ZNF599: variants seen among roughly 807,000 people sequenced by gnomAD.
The protein encoded by ZNF599 is zinc finger protein 599.
A neutral mutation model predicts 11.7 loss-of-function variants in ZNF599; 10 were observed. That is an observed-to-expected ratio of 0.86 (90% CI 0.53 to 1.45). ZNF599 has a LOEUF of 1.45. Ranked by LOEUF, ZNF599 falls within the 40% of genes most tolerant of loss-of-function variation. The pLI, the probability that ZNF599 is intolerant of heterozygous loss-of-function variation, is 0.00. For synonymous variants in ZNF599, 232 were observed against 253.2 expected (o/e 0.92, Z 0.79); for missense variants, 688 against 713.6 (o/e 0.96, Z 0.41).
At chr19:34,778,814 A>G in the ZNF599 span, among the ~76,000 whole-genome samples, 7 of 152,312 alleles carry the variant, frequency 4.6e-5, no homozygotes, top group African/African-American at 1.4e-4. Flanking sequence ...GTTTCATTGT[A>G]CTCTTGTTAG....
At position 34,759,199 on chromosome 19, in the gene ZNF599, A is replaced by G; in HGVS notation, c.1602T>C (p.Pro534=). 1 of 1,613,986 alleles carries G rather than the reference A, an allele frequency of 6.2e-7. No homozygotes were observed. The highest frequency in any genetic ancestry group is 8.5e-7 in the Non-Finnish European group (1 of 1,179,992). ...RHNRIHTGEK[P]FECKECEKAF... ...CTTTCTCACATTCTTTGCATTCAAA[A>G]GGTTTTTCTCCAGTGTGGATCCTAT... The change falls in exon 4 of 4, where the codon CCT becomes CCC. Residue 534 remains proline, a synonymous_variant. Transcript: ENST00000329285.
At chr19:34,804,709 T>G in the ZNF599 span, among the ~76,000 whole-genome samples, 8 of 152,204 alleles carry the variant, frequency 5.3e-5, no homozygotes, top group African/African-American at 1.9e-4. Flanking sequence ...GAAAATTACT[T>G]TTACTACTAA....
intron 2 of ZNF599, 139 bp downstream of exon 2, chr19:34,769,290 A>C: frequency 9.5e-7 from 1 of 1,049,446 alleles, no homozygotes; most frequent in East Asian, 2.5e-5. Context: ...ACCCAGCAAG[A>C]GGAGGTCAGA....
chr19:34,791,140 A>G, the ZNF599 span, among the ~76,000 whole-genome samples: 46 of 152,222 alleles, frequency 3.0e-4, no homozygotes, highest in Non-Finnish European at 5.4e-4. Context: ...AGAATGAGAT[A>G]GATGTTGACC....
chr19:34,781,987 G>A, the ZNF599 span, among the ~76,000 whole-genome samples: 1 of 152,224 alleles, frequency 6.6e-6, no homozygotes, highest in Non-Finnish European at 1.5e-5. Context: ...TGGGGAAGGA[G>A]TGATATGGAT....
At chr19:34,801,405 A>C in the ZNF599 span, among the ~76,000 whole-genome samples, 2 of 152,224 alleles carry the variant, frequency 1.3e-5, no homozygotes, top group Non-Finnish European at 2.9e-5. Context: ...TCCCTGCACT[A>C]ATAAGGTCTT....
In ZNF599 at chr19:34,758,116, A is replaced by T. The variant is rs2069083005; in HGVS notation, c.*918T>A. The T allele has an allele frequency of 6.6e-6, 1 of 152,168 alleles. No individual in the cohort carries two copies. Among genetic ancestry groups the T allele is most frequent in the Admixed American group, 6.5e-5 (1 of 15,286 alleles). 9.4% of individuals were successfully genotyped at this position (152,168 alleles called of 1,614,324 possible). On this transcript the variant is annotated 3_prime_UTR_variant, in exon 4 of 4. Transcript: ENST00000329285. ...TTTATTATAAAGAATAATTATAATT[A>T]TTCAAGAAACACTGATAAAGTGTCT...
At chr19:34,765,371 G>T in intron 3 of ZNF599, 1 of 568,434 alleles carries the variant, frequency 1.8e-6, no homozygotes, top group Non-Finnish European at 3.1e-6. Flanking sequence ...ACAGTGGCTT[G>T]ATTTGAAGAA....
intron 3 of ZNF599, among the ~76,000 whole-genome samples, chr19:34,766,154 G>C (rs1446581953): frequency 6.6e-6 from 1 of 151,622 alleles, no homozygotes; most frequent in African/African-American, 2.4e-5. Context: ...ATAGGGGAGA[G>C]GGGTGAAGGC....
At position 34,772,953 on chromosome 19, in the gene ZNF599, C is replaced by A; in HGVS notation, c.-112G>T. The stretch of plus-strand genomic sequence containing the variant: ...TGCGAGGGACCTCAGTCCCCGCCGT[C>A]GTGTAAAATGCACACAAGGTTCGCG... On this transcript the variant is annotated 5_prime_UTR_variant, in exon 1 of 4. Transcript: ENST00000329285. 7.9e-7 allele frequency: 1 copy of A among 1,272,846 alleles called. No homozygotes were observed. The highest frequency in any genetic ancestry group is 1.7e-5 in the South Asian group (1 of 60,564). The allele number at this position is 1,272,846 out of a possible 1,614,324, so 78.8% of individuals were successfully genotyped here.
chr19:34,802,263 A>T, the ZNF599 span, among the ~76,000 whole-genome samples: 1 of 152,210 alleles, frequency 6.6e-6, no homozygotes, highest in Non-Finnish European at 1.5e-5. Context: ...TTGTGAACTC[A>T]TAGTTTTCAA....
At chr19:34,793,489 A>C in the ZNF599 span, among the ~76,000 whole-genome samples, 1 of 152,214 alleles carries the variant, frequency 6.6e-6, no homozygotes, top group African/African-American at 2.4e-5. Context: ...CATAAAGGGA[A>C]TCTTGTATTG....
the ZNF599 span, among the ~76,000 whole-genome samples, chr19:34,779,037 A>T: frequency 1.3e-5 from 2 of 152,180 alleles, no homozygotes; most frequent in Admixed American, 1.3e-4. Context: ...GTTGGTGAGG[A>T]TGTGGAGAAA....
chr19:34,785,609 A>G, the ZNF599 span, among the ~76,000 whole-genome samples: 4 of 152,164 alleles, frequency 2.6e-5, no homozygotes, highest in African/African-American at 9.7e-5. Context: ...CAGTGCCAAG[A>G]ACTTGAGAGT....
At chr19:34,773,977 T>C (rs373310032), upstream of ZNF599, among the ~76,000 whole-genome samples, 2 of 152,334 alleles carry the variant, frequency 1.3e-5, no homozygotes, top group African/African-American at 4.8e-5. Flanking sequence ...ACTCTGATAT[T>C]TGTCAAAACA....
At position 34,759,749 on chromosome 19, in the gene ZNF599, C is replaced by T. The variant is rs371296240; in HGVS notation, c.1052G>A (p.Arg351His). Residue 351 changes from arginine (R) to histidine (H), a missense_variant, in exon 4 of 4, where the codon CGC becomes CAC. By Grantham distance (29) the Arg-to-His change is conservative. Transcript: ENST00000329285. ...CGECGKAFTHRSTFIQHNVTH... is the reference protein window; with the variant it reads ...CGECGKAFTHHSTFIQHNVTH... ...CACATTGTGCTGGATAAATGTGGAG[C>T]GGTGCGTGAAGGCCTTTCCACATTC... 4.0e-5 allele frequency: 64 copies of T among 1,613,624 alleles called. No individual in the cohort carries two copies. The highest frequency in any genetic ancestry group is 2.0e-4 in the African/African-American group (15 of 74,760).
chr19:34,785,696 G>A, the ZNF599 span, among the ~76,000 whole-genome samples: 37 of 152,330 alleles, frequency 2.4e-4, no homozygotes, highest in African/African-American at 7.9e-4. Flanking sequence ...CATATCCAGT[G>A]AGCAACATGA....
At chr19:34,774,911 C>T (rs2069209900), upstream of ZNF599, among the ~76,000 whole-genome samples, 1 of 152,128 alleles carries the variant, frequency 6.6e-6, no homozygotes, top group Non-Finnish European at 1.5e-5. Context: ...GTAGATTTCT[C>T]ATGAATGATT....
chr19:34,800,684 C>G, the ZNF599 span, among the ~76,000 whole-genome samples: 1 of 148,402 alleles, frequency 6.7e-6, no homozygotes, highest in Non-Finnish European at 1.5e-5. Context: ...CAACCTCTGC[C>G]CCCCGGGTCC....
Sources: gnomAD v4.1 joint callset for allele counts (sites outside exome capture counted in the v4.1 genomes callset) on GRCh38, gnomAD v4.1.1 for gene constraint, MANE v1.5 for transcripts, NCBI Gene and HGNC (gene_info 2026-07-23, HGNC 2026-07-21) for gene names.